HTR2C: variants seen among roughly 807,000 people sequenced by gnomAD.
HTR2C encodes the protein 5-hydroxytryptamine (serotonin) receptor 2C, G protein-coupled.
A neutral mutation model predicts 21.0 loss-of-function variants in HTR2C; 5 were observed. The ratio of observed to expected loss-of-function variants is 0.24; its 90% CI spans 0.12 to 0.50. The LOEUF is 0.50. Ranked by LOEUF, HTR2C falls within the 20% of genes least tolerant of loss-of-function variation. HTR2C has a pLI of 0.98. For missense variants in HTR2C, 271 were observed against 371.2 expected, an observed-to-expected ratio of 0.73 and a Z score of 2.22; for synonymous variants, 150 against 145.3, an observed-to-expected ratio of 1.03 and a Z score of -0.23.
chrX:114,835,326 A>C (rs1256902560), intron 4 of HTR2C, among the ~76,000 whole-genome samples: 1 of 106,312 alleles, frequency 9.4e-6, no homozygotes, highest in Non-Finnish European at 1.9e-5. Context: ...CATTCTCCCC[A>C]TCACTTTCAG....
At chrX:114,784,861 C>T (rs782036346) in intron 4 of HTR2C, among the ~76,000 whole-genome samples, 18 of 110,659 alleles carry the variant, frequency 1.6e-4, no homozygotes, top group Admixed American at 8.7e-4. Flanking sequence ...ACTCGTGATC[C>T]GCCCGCCTCG....
chrX:114,670,403 A>C (rs976698455), intron 2 of HTR2C, among the ~76,000 whole-genome samples: 1 of 109,206 alleles, frequency 9.2e-6, no homozygotes, highest in East Asian at 2.9e-4. Context: ...TCAAAAAAAA[A>C]AAAAAAAAAA....
intron 2 of HTR2C, among the ~76,000 whole-genome samples, chrX:114,627,295 C>G (rs185466713): frequency 4.6e-4 from 51 of 110,267 alleles, no homozygotes; most frequent in Non-Finnish European, 7.2e-4. Flanking sequence ...CATCTTTTTC[C>G]CCTTCTTCTA....
At chrX:114,881,781 G>A (rs1195681278) in intron 5 of HTR2C, among the ~76,000 whole-genome samples, 1 of 109,984 alleles carries the variant, frequency 9.1e-6, no homozygotes, top group Non-Finnish European at 1.9e-5. Context: ...GCGAGTCCTC[G>A]TACTTTGCTC....
intron 2 of HTR2C, among the ~76,000 whole-genome samples, chrX:114,700,984 C>A (rs1277904890): frequency 2.7e-5 from 3 of 112,179 alleles, no homozygotes; most frequent in Non-Finnish European, 5.6e-5. Context: ...GATAAAACTG[C>A]AAGGTGGCAG....
At chrX:114,784,417 T>C (rs2070153078) in intron 4 of HTR2C, among the ~76,000 whole-genome samples, 1 of 111,217 alleles carries the variant, frequency 9.0e-6, no homozygotes, top group Admixed American at 9.6e-5. Flanking sequence ...CATTCGTGGC[T>C]TAAAACAACA....
intron 5 of HTR2C, among the ~76,000 whole-genome samples, chrX:114,884,652 A>C (rs1339381600): frequency 3.6e-5 from 4 of 111,649 alleles, no homozygotes; most frequent in Non-Finnish European, 7.6e-5. Flanking sequence ...TACAAAAGAT[A>C]ACAAGTATTG....
intron 4 of HTR2C, among the ~76,000 whole-genome samples, chrX:114,811,932 A>G (rs2070535607): frequency 9.0e-6 from 1 of 111,423 alleles, no homozygotes; most frequent in Admixed American, 9.6e-5. Flanking sequence ...AATTTTTGAG[A>G]TTTTTTAAAA....
intron 4 of HTR2C, among the ~76,000 whole-genome samples, chrX:114,743,866 C>T (rs2069675898): frequency 1.8e-5 from 2 of 112,003 alleles, no homozygotes; most frequent in Admixed American, 9.5e-5. Flanking sequence ...ACTATTGATA[C>T]ACATAATGAC....
At chrX:114,781,569 C>T (rs1255117913) in intron 4 of HTR2C, among the ~76,000 whole-genome samples, 10 of 109,589 alleles carry the variant, frequency 9.1e-5, no homozygotes, top group African/African-American at 3.3e-4. Flanking sequence ...GGCGTGATCA[C>T]AGCCCACTGC....
chrX:114,587,320 A>G (rs1927441430), intron 1 of HTR2C, among the ~76,000 whole-genome samples: 1 of 111,312 alleles, frequency 9.0e-6, no homozygotes, highest in African/African-American at 3.3e-5. Context: ...GGAGCATCTT[A>G]CCACCTCACT....
chrX:114,814,725 C>T (rs1192499988), intron 4 of HTR2C, among the ~76,000 whole-genome samples: 1 of 103,715 alleles, frequency 9.6e-6, no homozygotes, highest in Non-Finnish European at 2.0e-5. Context: ...GAACATCTAT[C>T]AAGTTTCACA....
chrX:114,852,713 G>T (rs782072679), intron 5 of HTR2C, among the ~76,000 whole-genome samples: 5 of 110,225 alleles, frequency 4.5e-5, no homozygotes, highest in African/African-American at 1.7e-4. Context: ...GTATAATCAG[G>T]TAAGTTGTTT....
chrX:114,873,117 A>T (rs1556476998), intron 5 of HTR2C, among the ~76,000 whole-genome samples: 1 of 111,682 alleles, frequency 9.0e-6, no homozygotes, highest in African/African-American at 3.2e-5. Flanking sequence ...TTCATAATCA[A>T]AGTGGGTTTC....
intron 5 of HTR2C, among the ~76,000 whole-genome samples, chrX:114,865,432 C>T (rs915154128): frequency 2.7e-5 from 3 of 111,479 alleles, no homozygotes; most frequent in East Asian, 2.8e-4. Flanking sequence ...AATAGGTGTA[C>T]ATTTAGCTTT....
chrX:114,623,259 A>G (rs1209582214), intron 2 of HTR2C, among the ~76,000 whole-genome samples: 3 of 112,152 alleles, frequency 2.7e-5, no homozygotes, highest in Non-Finnish European at 1.9e-5. Flanking sequence ...ATAGGTTTCT[A>G]TTGTGTCAAT....
chrX:114,789,386 C>T (rs1354564466), intron 4 of HTR2C, among the ~76,000 whole-genome samples: 1 of 111,628 alleles, frequency 9.0e-6, no homozygotes, highest in East Asian at 2.8e-4. Context: ...TGCAGGCATA[C>T]ACCCTATAAA....
intron 5 of HTR2C, among the ~76,000 whole-genome samples, chrX:114,877,126 ATT>A (rs1423176579): frequency 9.0e-6 from 1 of 110,936 alleles, no homozygotes; most frequent in African/African-American, 3.3e-5. Context: ...CTCCTAACTC[ATT>A]ATTGGTATAT....
chrX:114,888,469 C>T (rs2071237002), intron 5 of HTR2C, among the ~76,000 whole-genome samples: 1 of 112,062 alleles, frequency 8.9e-6, no homozygotes, highest in African/African-American at 3.2e-5. Context: ...TTATCCTCAG[C>T]AGCAGGTAGC....
Sources: allele counts gnomAD v4.1 joint callset (sites outside exome capture counted in the v4.1 genomes callset), GRCh38; gene constraint gnomAD v4.1.1; transcripts MANE v1.5; gene names NCBI Gene and HGNC (gene_info 2026-07-23, HGNC 2026-07-21).